The following GRM7 variants were observed in gnomAD, a reference collection of about 807,000 sequenced individuals.
GRM7 encodes glutamate metabotropic receptor 7, also known as metabotropic glutamate receptor 7.
GRM7 carries 35 observed loss-of-function variants against 84.5 expected under a neutral mutation model. That is an observed-to-expected ratio of 0.41 (90% CI 0.32 to 0.55). The LOEUF (loss-of-function observed/expected upper bound fraction) is 0.55, where lower values mean the gene tolerates loss of function less well. Ranked by LOEUF, GRM7 falls within the 20% of genes least tolerant of loss-of-function variation. The probability of loss-of-function intolerance (pLI) is 0.19; values close to 1 mark genes in which losing one functional copy is unlikely to be tolerated. For missense variants in GRM7, 1,003 were observed against 1,194.6 expected, an observed-to-expected ratio of 0.84 and a Z score of 2.36; for synonymous variants, 487 against 455.1, an observed-to-expected ratio of 1.07 and a Z score of -0.89.
chr3:7,614,752 T>C (rs572612415), intron 8 of GRM7, among the ~76,000 whole-genome samples: 1 of 152,334 alleles, frequency 6.6e-6, no homozygotes, highest in South Asian at 2.1e-4. Context: ...TAATAAAAAT[T>C]ATTACTTTCA....
chr3:7,450,891 A>T (rs1308866345), intron 5 of GRM7, among the ~76,000 whole-genome samples: 1 of 152,142 alleles, frequency 6.6e-6, no homozygotes, highest in East Asian at 1.9e-4. Context: ...AATTTGGGAA[A>T]TTCTGAATTT....
intron 8 of GRM7, among the ~76,000 whole-genome samples, chr3:7,598,003 C>G (rs945575350): frequency 6.6e-6 from 1 of 152,126 alleles, no homozygotes; most frequent in African/African-American, 2.4e-5. Flanking sequence ...TGAGGGAAAG[C>G]TTCATTCTCA....
intron 4 of GRM7, among the ~76,000 whole-genome samples, chr3:7,374,542 G>A (rs1323777218): frequency 9.2e-5 from 14 of 151,714 alleles, no homozygotes; most frequent in Middle Eastern, 3.4e-3. Flanking sequence ...GCAATGGTGC[G>A]ATCTCGGCTC....
chr3:7,678,336 A>G (rs945476447), intron 8 of GRM7, among the ~76,000 whole-genome samples: 3 of 152,222 alleles, frequency 2.0e-5, no homozygotes, highest in Non-Finnish European at 4.4e-5. Context: ...CAACTGCAAA[A>G]TTCACTCATA....
intron 1 of GRM7, among the ~76,000 whole-genome samples, chr3:6,993,156 C>T (rs892878061): frequency 6.6e-5 from 10 of 151,976 alleles, no homozygotes; most frequent in Admixed American, 5.9e-4. Flanking sequence ...AAGGAGAAGC[C>T]CCTTATAAAA....
intron 8 of GRM7, among the ~76,000 whole-genome samples, chr3:7,595,964 C>T (rs1696023800): frequency 6.6e-6 from 1 of 152,106 alleles, no homozygotes; most frequent in South Asian, 2.1e-4. Context: ...TTAAAAAGAC[C>T]ACTCTGTCTT....
chr3:6,992,871 C>T, intron 1 of GRM7, among the ~76,000 whole-genome samples: 1 of 152,164 alleles, frequency 6.6e-6, no homozygotes, highest in East Asian at 1.9e-4. Context: ...AGGTAGATAG[C>T]CCAGTCAATG....
intron 7 of GRM7, among the ~76,000 whole-genome samples, chr3:7,479,756 T>G (rs1559351886): frequency 6.6e-6 from 1 of 152,160 alleles, no homozygotes; most frequent in Non-Finnish European, 1.5e-5. Context: ...TGGTCAAGGT[T>G]TATAGGCAAT....
At chr3:7,336,958 TG>T (rs1701444183) in intron 4 of GRM7, among the ~76,000 whole-genome samples, 1 of 151,954 alleles carries the variant, frequency 6.6e-6, no homozygotes, top group African/African-American at 2.4e-5. Flanking sequence ...ATTGTGAAAA[TG>T]ACCATACTGC....
intron 1 of GRM7, among the ~76,000 whole-genome samples, chr3:6,986,544 C>T (rs1245877732): frequency 2.6e-5 from 4 of 152,312 alleles, no homozygotes; most frequent in East Asian, 1.9e-4. Flanking sequence ...AATGCTCATA[C>T]GTGGTCTTCT....
In GRM7 at chr3:7,285,298, G is replaced by A. The variant is rs187292894; in HGVS notation, c.737-13386G>A. Among the ~76,000 whole-genome samples, 1,492 of 152,210 alleles carry A rather than the reference G, an allele frequency of 9.8e-3. 12 individuals are homozygous for A. Among genetic ancestry groups the A allele is most frequent in the African/African-American group, 0.034 (1,419 of 41,516 alleles). On this transcript the variant is annotated intron_variant, in intron 2 of 9. Transcript: ENST00000357716. ...TTATTATTATATGATTAAGATAAAA[G>A]GCAGATGGCTTTTAGTTATTTCTTT... is the stretch of plus-strand genomic sequence containing the variant.
chr3:7,532,803 C>CAAAAAAAAAAAAAAA (rs36040168), intron 7 of GRM7, among the ~76,000 whole-genome samples: 1 of 70,634 alleles, frequency 1.4e-5, no homozygotes, highest in African/African-American at 6.1e-5. Flanking sequence ...AAAGGGAAAG[C>CAAAAAAAAAAAAAAA]AAAAAAAAAA....
At chr3:6,885,166 C>G (rs920833907) in intron 1 of GRM7, among the ~76,000 whole-genome samples, 3 of 152,120 alleles carry the variant, frequency 2.0e-5, no homozygotes, top group Admixed American at 6.5e-5. Context: ...GCTTCACCCA[C>G]GAAACAATTT....
rs967162348 is a variant in GRM7, at chr3:7,630,134, A to G, written c.2452-49915A>G. Reference sequence around the variant, plus strand: ...GTTTGATACTCTGCATATATTTTTTATTAAAACTTCAGATGACAAGAATGA... The same window carrying G: ...GTTTGATACTCTGCATATATTTTTTGTTAAAACTTCAGATGACAAGAATGA... On this transcript the variant is annotated intron_variant, in intron 8 of 9. Transcript: ENST00000357716. Among the ~76,000 whole-genome samples, 3 of 152,194 alleles carry G rather than the reference A, an allele frequency of 2.0e-5. No individual in the cohort carries two copies. The East Asian group carries it at 5.8e-4, about 29-fold the overall frequency.
At chr3:6,973,520 A>T (rs982409670) in intron 1 of GRM7, among the ~76,000 whole-genome samples, 10 of 152,196 alleles carry the variant, frequency 6.6e-5, no homozygotes, top group African/African-American at 9.7e-5. Flanking sequence ...TAATAAACAT[A>T]TACTATATCA....
intron 2 of GRM7, among the ~76,000 whole-genome samples, chr3:7,212,226 T>G (rs998410628): frequency 6.6e-6 from 1 of 151,468 alleles, no homozygotes; most frequent in Admixed American, 6.6e-5. Flanking sequence ...CTTTTTGGAC[T>G]GAGCTTTAGA....
At chr3:7,062,317 C>T (rs867356013) in intron 1 of GRM7, among the ~76,000 whole-genome samples, 17 of 151,526 alleles carry the variant, frequency 1.1e-4, no homozygotes, top group Middle Eastern at 6.8e-3. Flanking sequence ...ATGAAGGAGA[C>T]GGTGTACAAT....
chr3:7,512,206 C>T (rs1285596793), intron 7 of GRM7, among the ~76,000 whole-genome samples: 2 of 152,004 alleles, frequency 1.3e-5, no homozygotes, highest in South Asian at 2.1e-4. Context: ...AGAAAATCTA[C>T]GAGCAACAGT....
chr3:7,322,216 G>C (rs1559234465), intron 4 of GRM7, among the ~76,000 whole-genome samples: 1 of 151,880 alleles, frequency 6.6e-6, no homozygotes, highest in Non-Finnish European at 1.5e-5. Context: ...AATATGCCAG[G>C]TATACAAAAT....
Sources: allele counts gnomAD v4.1 joint callset (sites outside exome capture counted in the v4.1 genomes callset), GRCh38; gene constraint gnomAD v4.1.1; transcripts MANE v1.5; gene names NCBI Gene and HGNC (gene_info 2026-07-23, HGNC 2026-07-21).